The following USP15 variants were observed in gnomAD, a reference collection of about 807,000 sequenced individuals.
USP15 encodes the protein ubiquitin carboxyl-terminal hydrolase 15.
In USP15, 18 loss-of-function variants were observed where a neutral mutation model predicts 127.1. The observed-to-expected ratio is 0.14, with a 90% confidence interval of 0.10 to 0.21. The LOEUF is 0.21. Among genes scored for constraint, USP15 ranks in the 10% least tolerant of loss-of-function variants. The probability of loss-of-function intolerance (pLI) is 1.00; values close to 1 mark genes in which losing one functional copy is unlikely to be tolerated. For synonymous variants in USP15, 364 were observed against 393.7 expected, an observed-to-expected ratio of 0.92 and a Z score of 0.89; for missense variants, 805 against 1,159.9, an observed-to-expected ratio of 0.69 and a Z score of 4.44.
chr12:62,413,434 C>T lies in USP15; in HGVS notation c.*9059C>T, dbSNP rs569317796. On this transcript the variant is annotated 3_prime_UTR_variant, in exon 22 of 22. Coordinates refer to ENST00000280377, the MANE Select transcript of USP15 (RefSeq NM_001252078.2). ...ACATCTTCCAACATAAGACTTTCAT[C>T]TACATTGAAAGTTTGTTTTTAGTGT... is the stretch of plus-strand genomic sequence containing the variant. 3.9e-4 allele frequency: 60 copies of T among 152,294 alleles called. No homozygotes were observed. Among genetic ancestry groups the T allele is most frequent in the Admixed American group, 1.6e-3 (25 of 15,300 alleles). The allele number at this position is 152,294 out of a possible 1,614,324, so 9.4% of individuals were successfully genotyped here. A position where few individuals can be genotyped will look rare whatever the true frequency, so the allele number is the denominator to read the frequency against.
intron 1 of USP15, chr12:62,267,202 T>G (rs1350290814): frequency 6.6e-6 from 1 of 152,146 alleles, no homozygotes; most frequent in Non-Finnish European, 1.5e-5. Context: ...TGTCTCATAT[T>G]CATTCCTCTG....
chr12:62,288,617 C>CT (rs1056091105), intron 1 of USP15, among the ~76,000 whole-genome samples: 1 of 152,050 alleles, frequency 6.6e-6, no homozygotes, highest in African/African-American at 2.4e-5. Flanking sequence ...CTGGCTGTGA[C>CT]TTTTAGTACT....
intron 6 of USP15, chr12:62,335,055 G>A (rs538921517): frequency 1.0e-5 from 10 of 971,842 alleles, no homozygotes; most frequent in African/African-American, 8.2e-5. Flanking sequence ...CTGAGGGCAC[G>A]ATATGTTACA....
intron 6 of USP15, among the ~76,000 whole-genome samples, chr12:62,330,142 G>A (rs1368905661): frequency 6.6e-6 from 1 of 152,054 alleles, no homozygotes; most frequent in African/African-American, 2.4e-5. Flanking sequence ...AATAGAAAAA[G>A]CACAGTAGAA....
chr12:62,358,971 AC>A (rs1330525313), intron 8 of USP15, among the ~76,000 whole-genome samples: 3 of 152,298 alleles, frequency 2.0e-5, no homozygotes, highest in African/African-American at 7.2e-5. Context: ...GATACCAAGA[AC>A]AACTGTATAT....
chr12:62,277,438 T>C (rs997552931), intron 1 of USP15: 1 of 152,166 alleles, frequency 6.6e-6, no homozygotes, highest in Non-Finnish European at 1.5e-5. Context: ...TAATGTTAAG[T>C]ATTTGTGTTT....
chr12:62,271,375 A>AG (rs1426952800), intron 1 of USP15, among the ~76,000 whole-genome samples: 1 of 152,000 alleles, frequency 6.6e-6, no homozygotes, highest in Non-Finnish European at 1.5e-5. Context: ...GGGGCCCACA[A>AG]GGGGCTATAT....
intron 3 of USP15, among the ~76,000 whole-genome samples, chr12:62,312,972 A>G (rs1253464585): frequency 6.6e-6 from 1 of 151,664 alleles, no homozygotes; most frequent in African/African-American, 2.4e-5. Context: ...TAGTACATAT[A>G]GTATGACCTT....
intron 6 of USP15, among the ~76,000 whole-genome samples, chr12:62,343,524 C>T (rs2065713632): frequency 6.6e-6 from 1 of 152,184 alleles, no homozygotes; most frequent in Non-Finnish European, 1.5e-5. Context: ...TGCTTGAAAC[C>T]CAGGGCCCTG....
chr12:62,349,445 T>C, intron 7 of USP15, 138 bp downstream of exon 7: 1 of 458,140 alleles, frequency 2.2e-6, no homozygotes, highest in Non-Finnish European at 3.6e-6. Context: ...GGTCAGTTCT[T>C]CCATGAGTAA....
At chr12:62,320,810 T>C (rs924576127) in intron 4 of USP15, among the ~76,000 whole-genome samples, 4 of 152,120 alleles carry the variant, frequency 2.6e-5, no homozygotes, top group Non-Finnish European at 4.4e-5. Flanking sequence ...AAAAGTATTC[T>C]GTATTCATAT....
At chr12:62,352,316 A>C (rs2065989066) in intron 7 of USP15, among the ~76,000 whole-genome samples, 1 of 151,830 alleles carries the variant, frequency 6.6e-6, no homozygotes, top group Admixed American at 6.6e-5. Context: ...ACTGTAATAT[A>C]GTTTGTTTAC....
rs73319581 is a variant in USP15, at chr12:62,293,336, A to G, written c.90-843A>G. On this transcript the variant is annotated intron_variant, in intron 1 of 21. Transcript: ENST00000280377. ...AGTATTCTCTCTCTGATATTCTGTT[A>G]GAGCTGTGATTATGTGTTTGTAATT... is the stretch of plus-strand genomic sequence containing the variant. 8.9e-3 allele frequency among the ~76,000 whole-genome samples: 1,357 copies of G among 151,946 alleles called. 18 individuals carry two copies. The highest frequency in any genetic ancestry group is 0.03 in the African/African-American group (1,258 of 41,428).
At chr12:62,355,284 A>G in intron 7 of USP15, 47 bp from the exon 8 acceptor site, 1 of 1,479,946 alleles carries the variant, frequency 6.8e-7, no homozygotes, top group Non-Finnish European at 9.1e-7. Context: ...TATTATAAAT[A>G]TGTTGTAATA....
chr12:62,318,297 G>A (rs1426659427), intron 4 of USP15, among the ~76,000 whole-genome samples: 4 of 152,208 alleles, frequency 2.6e-5, no homozygotes, highest in African/African-American at 7.2e-5. Flanking sequence ...ATGAGACATC[G>A]AAACCTACCA....
chr12:62,371,267 C>T (rs1421822438), intron 8 of USP15, among the ~76,000 whole-genome samples: 6 of 152,220 alleles, frequency 3.9e-5, no homozygotes, highest in African/African-American at 1.2e-4. Context: ...ATACTGTTAC[C>T]GCTTCCCTAC....
chr12:62,348,110 G>A (rs2065871469), intron 6 of USP15, among the ~76,000 whole-genome samples: 3 of 152,138 alleles, frequency 2.0e-5, no homozygotes. Context: ...TCAGTAGGCT[G>A]AGATGGAGGA....
In USP15 at chr12:62,329,087, A is replaced by T. The variant is rs146684455; in HGVS notation, c.683+3154A>T. Among the ~76,000 whole-genome samples the T allele has an allele frequency of 8.5e-4, 130 of 152,302 alleles. 2 individuals are homozygous for T. The East Asian group carries it at 8.9e-3, about 10-fold the overall frequency. On this transcript the variant is annotated intron_variant, in intron 6 of 21. Transcript: ENST00000280377. ...TAATGAATTCACTTATATTTAGTGA[A>T]TATTCACTTATATTTAGTGAATAGT...
rs538238596 is a variant in USP15, at chr12:62,405,723, T to C, written c.*1348T>C. On this transcript the variant is annotated 3_prime_UTR_variant, in exon 22 of 22. Coordinates refer to ENST00000280377, the MANE Select transcript of USP15 (RefSeq NM_001252078.2). ...GAAATTGCTTTGTGTCCCACTGTTA[T>C]TAAAGCAAAAAGTATAATGTTCTTC... The C allele has an allele frequency of 1.1e-4, 17 of 152,732 alleles. No homozygotes were observed. Among genetic ancestry groups the C allele is most frequent in the African/African-American group, 3.6e-4 (15 of 41,592 alleles). 9.5% of individuals were successfully genotyped at this position (152,732 alleles called of 1,614,324 possible).
Sources: allele counts gnomAD v4.1 joint callset (sites outside exome capture counted in the v4.1 genomes callset), GRCh38; gene constraint gnomAD v4.1.1; transcripts MANE v1.5; gene names NCBI Gene and HGNC (gene_info 2026-07-23, HGNC 2026-07-21).